The following RELN variants were observed in gnomAD, a reference collection of about 807,000 sequenced individuals.
RELN encodes the protein reelin.
RELN carries 108 observed loss-of-function variants against 427.6 expected under a neutral mutation model. The ratio of observed to expected loss-of-function variants is 0.25; its 90% CI spans 0.22 to 0.30. The LOEUF (loss-of-function observed/expected upper bound fraction) is 0.30, where lower values mean the gene tolerates loss of function less well. Among genes scored for constraint, RELN ranks in the 10% least tolerant of loss-of-function variants. The pLI is 1.00. For synonymous variants in RELN, 1,524 were observed against 1,513.4 expected, an observed-to-expected ratio of 1.01 and a Z score of -0.16; for missense variants, 3,715 against 4,302.8, an observed-to-expected ratio of 0.86 and a Z score of 3.82.
intron 1 of RELN, among the ~76,000 whole-genome samples, chr7:103,943,234 G>T (rs1434922820): frequency 6.6e-6 from 1 of 152,144 alleles, no homozygotes; most frequent in Non-Finnish European, 1.5e-5. Flanking sequence ...GGTCATAGTG[G>T]ATGTAACAGG....
intron 22 of RELN, among the ~76,000 whole-genome samples, chr7:103,609,039 A>C (rs1463803712): frequency 6.6e-6 from 1 of 152,108 alleles, no homozygotes; most frequent in Non-Finnish European, 1.5e-5. Context: ...CCTGGCCAAC[A>C]TGACAAAACC....
intron 2 of RELN, among the ~76,000 whole-genome samples, chr7:103,835,164 T>A (rs932113184): frequency 1.3e-5 from 2 of 152,170 alleles, no homozygotes; most frequent in Admixed American, 1.3e-4. Flanking sequence ...AAACTTAATA[T>A]GCGTATTACC....
At chr7:103,503,302 A>T (rs1562857178) in intron 51 of RELN, 72 bp from the exon 52 acceptor site, 1 of 1,333,378 alleles carries the variant, frequency 7.5e-7, no homozygotes. Context: ...ACTTGGCAGC[A>T]AAAAAGCTGC....
intron 19 of RELN, among the ~76,000 whole-genome samples, chr7:103,632,543 G>A (rs372722821): frequency 9.9e-5 from 15 of 152,236 alleles, no homozygotes; most frequent in East Asian, 5.8e-4. Context: ...CTTCTACATC[G>A]TATCTTTGGG....
At chr7:103,517,916 T>C (rs537987620) in intron 49 of RELN, among the ~76,000 whole-genome samples, 1 of 152,314 alleles carries the variant, frequency 6.6e-6, no homozygotes, top group Non-Finnish European at 1.5e-5. Flanking sequence ...CAATAGCTAA[T>C]GGAATATGAA....
chr7:103,761,937 T>C (rs560606037), intron 4 of RELN, among the ~76,000 whole-genome samples: 4 of 152,202 alleles, frequency 2.6e-5, no homozygotes, highest in African/African-American at 7.2e-5. Flanking sequence ...GGAAAATCAC[T>C]AGGCTCAAAA....
At chr7:103,962,476 C>T (rs970784429) in intron 1 of RELN, among the ~76,000 whole-genome samples, 23 of 152,078 alleles carry the variant, frequency 1.5e-4, no homozygotes, top group South Asian at 2.1e-4. Context: ...CCTCCACCGA[C>T]AGAAATAGGT....
chr7:103,760,026 T>C (rs898574330), intron 4 of RELN, among the ~76,000 whole-genome samples: 2 of 132,568 alleles, frequency 1.5e-5, no homozygotes, highest in South Asian at 2.4e-4. Context: ...TTTTTTTACA[T>C]CTTAGCATTT....
intron 47 of RELN, 36 bp downstream of exon 47, chr7:103,523,355 G>C: frequency 6.2e-7 from 1 of 1,613,628 alleles, no homozygotes; most frequent in Middle Eastern, 1.6e-4. Flanking sequence ...TGTGAATCAG[G>C]AGCTTTCAAC....
chr7:103,779,382 G>C (rs1460293210), intron 3 of RELN, among the ~76,000 whole-genome samples: 1 of 152,150 alleles, frequency 6.6e-6, no homozygotes, highest in African/African-American at 2.4e-5. Flanking sequence ...AATAATAATA[G>C]TGGCTAGTAT....
intron 12 of RELN, 72 bp downstream of exon 12, chr7:103,661,304 T>C: frequency 4.7e-6 from 7 of 1,475,990 alleles, no homozygotes; most frequent in Non-Finnish European, 6.6e-6. Context: ...ACAAACAATC[T>C]TACTTCCTCA....
chr7:103,637,288 C>T (rs1460240944), intron 17 of RELN, among the ~76,000 whole-genome samples: 1 of 152,174 alleles, frequency 6.6e-6, no homozygotes, highest in African/African-American at 2.4e-5. Context: ...CTTCTCACTA[C>T]ATTTATAATG....
At chr7:103,914,807 C>T (rs564446805) in intron 2 of RELN, among the ~76,000 whole-genome samples, 16 of 152,180 alleles carry the variant, frequency 1.1e-4, no homozygotes, top group African/African-American at 1.4e-4. Context: ...TTCTTGTTGC[C>T]GATGCCCGCC....
intron 11 of RELN, among the ~76,000 whole-genome samples, chr7:103,667,806 T>C (rs1225379768): frequency 1.3e-5 from 2 of 152,380 alleles, no homozygotes; most frequent in East Asian, 3.9e-4. Context: ...TACTTTAGAA[T>C]TAGTTAATTC....
At chr7:103,623,519 A>C (rs895762471) in intron 20 of RELN, among the ~76,000 whole-genome samples, 2 of 152,182 alleles carry the variant, frequency 1.3e-5, no homozygotes, top group Admixed American at 1.3e-4. Context: ...CAGCTATCTA[A>C]TATTGCATTT....
chr7:103,824,627 A>AGTGTGTGTGTGTGTGTGT lies in RELN; in HGVS notation c.473+8892_473+8909dup, dbSNP rs368098458. ...GTGTTTTCACTTTCTTTCAAAACAG[A>AGTGTGTGTGTGTGTGTGT]GTGTGTGTGTGTGTGTGTGTGTGTG... On this transcript the variant is annotated intron_variant, in intron 3 of 64. Coordinates refer to ENST00000428762, the MANE Select transcript of RELN (RefSeq NM_005045.4). This position sits in a 1 kb window ranked among gnomAD's most constrained non-coding sequence, Gnocchi z 4.4. 7.3e-3 allele frequency among the ~76,000 whole-genome samples: 955 copies of AGTGTGTGTGTGTGTGTGT among 130,902 alleles called. 8 individuals are homozygous for AGTGTGTGTGTGTGTGTGT. Among genetic ancestry groups the AGTGTGTGTGTGTGTGTGT allele is most frequent in the Non-Finnish European group, 9.4e-3 (590 of 63,040 alleles). The allele number at this position is 130,902 out of a possible 152,430, so 85.9% of individuals were successfully genotyped here. A position where few individuals can be genotyped will look rare whatever the true frequency, so the allele number is the denominator to read the frequency against.
At chr7:103,740,467 A>T (rs1790613760) in intron 6 of RELN, among the ~76,000 whole-genome samples, 1 of 152,240 alleles carries the variant, frequency 6.6e-6, no homozygotes, top group Non-Finnish European at 1.5e-5. Context: ...ATTTTTAAAT[A>T]ATTTGAAATA....
chr7:103,851,154 A>G lies in RELN; in HGVS notation c.338-17482T>C, dbSNP rs1382961429. 3.9e-5 allele frequency among the ~76,000 whole-genome samples: 6 copies of G among 152,358 alleles called. No individual in the cohort carries two copies. The East Asian group carries it at 1.2e-3, about 29-fold the overall frequency. ...ATATATGATGGAATACTATGCAGCC[A>G]TAATAAGGAATGAACTAACAGCATT... is the stretch of plus-strand genomic sequence containing the variant. On this transcript the variant is annotated intron_variant, in intron 2 of 64. Transcript: ENST00000428762.
At chr7:103,674,867 G>A (rs538999666) in intron 11 of RELN, among the ~76,000 whole-genome samples, 3 of 152,234 alleles carry the variant, frequency 2.0e-5, no homozygotes, top group East Asian at 1.9e-4. Context: ...CAATAAACAA[G>A]GTATTGATGG....
Sources: gnomAD v4.1 joint callset for allele counts (sites outside exome capture counted in the v4.1 genomes callset) on GRCh38, gnomAD v4.1.1 for gene constraint, Gnocchi (gnomAD v3.1) non-coding constraint, MANE v1.5 for transcripts, NCBI Gene and HGNC (gene_info 2026-07-23, HGNC 2026-07-21) for gene names.